Variants in BLOC1S5 observed in about 807,000 individuals in gnomAD.
The protein encoded by BLOC1S5 is biogenesis of lysosome-related organelles complex 1 subunit 5.
A neutral mutation model predicts 24.3 loss-of-function variants in BLOC1S5; 27 were observed. That is an observed-to-expected ratio of 1.11 (90% CI 0.82 to 1.53). The LOEUF (loss-of-function observed/expected upper bound fraction) is 1.53, where lower values mean the gene tolerates loss of function less well. Ranked by LOEUF, BLOC1S5 falls within the 40% of genes most tolerant of loss-of-function variation. The probability of loss-of-function intolerance (pLI) is 0.00; values close to 1 mark genes in which losing one functional copy is unlikely to be tolerated. For synonymous variants in BLOC1S5, 84 were observed against 74.5 expected (o/e 1.13, Z -0.66); for missense variants, 239 against 229.4 (o/e 1.04, Z -0.27).
At chr6:8,050,462 A>G (rs1232740031) in intron 2 of BLOC1S5, among the ~76,000 whole-genome samples, 1 of 152,094 alleles carries the variant, frequency 6.6e-6, no homozygotes, top group Non-Finnish European at 1.5e-5. Flanking sequence ...TCAAGTAAAT[A>G]AAGAGTCATA....
intron 4 of BLOC1S5, among the ~76,000 whole-genome samples, chr6:8,021,568 C>CA (rs1216565700): frequency 6.6e-6 from 1 of 152,040 alleles, no homozygotes; most frequent in Non-Finnish European, 1.5e-5. Flanking sequence ...CACTGCACTC[C>CA]ACCCTGGGTG....
chr6:8,042,265 T>C (rs192483732), intron 2 of BLOC1S5, among the ~76,000 whole-genome samples: 1,655 of 152,324 alleles, frequency 0.011, 35 homozygotes, highest in African/African-American at 0.038. Flanking sequence ...TCATATAGCT[T>C]CTGTTATTAT....
At chr6:8,057,571 C>T (rs975349746) in intron 2 of BLOC1S5, among the ~76,000 whole-genome samples, 4 of 152,154 alleles carry the variant, frequency 2.6e-5, no homozygotes, top group African/African-American at 7.2e-5. Context: ...TAAAACCATA[C>T]GGTGTCTACA....
intron 4 of BLOC1S5, among the ~76,000 whole-genome samples, chr6:8,022,024 T>C (rs1762931386): frequency 6.6e-6 from 1 of 152,068 alleles, no homozygotes; most frequent in Admixed American, 6.6e-5. Context: ...AAAGATAATT[T>C]GAAATAGAGA....
chr6:8,041,184 A>C lies in BLOC1S5; in HGVS notation c.280T>G (p.Cys94Gly). ...HETNEHTLPK[C>G]RDTMRDSLSQ... ...AGGCTGTCCCGCATTGTGTCTCTAC[A>C]TTTGGGAAGAGTATGTTCATTTGTT... The change falls in exon 3 of 5, where the codon TGT (cysteine) becomes GGT (glycine). Residue 94 changes from cysteine to glycine, a missense_variant. Transcript: ENST00000397457. 6.2e-7 allele frequency: 1 copy of C among 1,612,640 alleles called. No homozygotes were observed. Among genetic ancestry groups the C allele is most frequent in the Non-Finnish European group, 8.5e-7 (1 of 1,179,438 alleles).
At chr6:8,039,472 A>T (rs1763608095) in intron 3 of BLOC1S5, among the ~76,000 whole-genome samples, 1 of 152,178 alleles carries the variant, frequency 6.6e-6, no homozygotes, top group Non-Finnish European at 1.5e-5. Context: ...AGAAAGGACA[A>T]ATATTTAAGG....
At chr6:8,040,959 G>A (rs996768018) in intron 3 of BLOC1S5, among the ~76,000 whole-genome samples, 180 bp downstream of exon 3, 1 of 152,050 alleles carries the variant, frequency 6.6e-6, no homozygotes, top group Non-Finnish European at 1.5e-5. Flanking sequence ...TCTCACTTTG[G>A]AGATTAATGC....
chr6:8,031,041 T>A (rs979351936), intron 3 of BLOC1S5, among the ~76,000 whole-genome samples: 1 of 152,074 alleles, frequency 6.6e-6, no homozygotes, highest in Non-Finnish European at 1.5e-5. Context: ...TGGGAAAACT[T>A]GAAAGCACTC....
At chr6:8,022,568 A>ATTTTTTTTTTTCTTTTTTTTTTTT (rs35289860) in intron 4 of BLOC1S5, among the ~76,000 whole-genome samples, 1 of 123,974 alleles carries the variant, frequency 8.1e-6, no homozygotes, top group Non-Finnish European at 1.6e-5. Flanking sequence ...TTCAAACTCT[A>ATTTTTTTTTTTCTTTTTTTTTTTT]TTTTTTTTTT....
intron 2 of BLOC1S5, among the ~76,000 whole-genome samples, chr6:8,060,587 G>A (rs1250143440): frequency 6.6e-6 from 1 of 152,172 alleles, no homozygotes; most frequent in African/African-American, 2.4e-5. Flanking sequence ...ACGGTGAGCT[G>A]GGTTGGGATA....
intron 4 of BLOC1S5, among the ~76,000 whole-genome samples, chr6:8,022,041 G>T (rs1032311036): frequency 5.3e-5 from 8 of 152,076 alleles, no homozygotes; most frequent in African/African-American, 1.9e-4. Context: ...GAGATAATTT[G>T]AAATAGAAAC....
At chr6:8,026,479 C>A (rs1454462748) in intron 3 of BLOC1S5, 54 bp from the exon 4 acceptor site, 1 of 1,410,220 alleles carries the variant, frequency 7.1e-7, no homozygotes, top group Admixed American at 1.7e-5. Flanking sequence ...CAAGGAAACA[C>A]ATACCTGGGG....
chr6:8,023,808 G>A (rs930991846), intron 4 of BLOC1S5, among the ~76,000 whole-genome samples: 1 of 151,986 alleles, frequency 6.6e-6, no homozygotes, highest in East Asian at 1.9e-4. Flanking sequence ...TATGACATAC[G>A]TGTGTGTGCG....
chr6:8,049,004 C>T (rs796807397), intron 2 of BLOC1S5, among the ~76,000 whole-genome samples: 18 of 118,384 alleles, frequency 1.5e-4, no homozygotes, highest in African/African-American at 2.5e-4. Flanking sequence ...AAAGAGACTC[C>T]GCCTCAAAAG....
At chr6:8,020,191 T>C (rs1450328240) in intron 4 of BLOC1S5, among the ~76,000 whole-genome samples, 1 of 152,158 alleles carries the variant, frequency 6.6e-6, no homozygotes, top group African/African-American at 2.4e-5. Flanking sequence ...ATCAAAGTCA[T>C]GGTGACAGAA....
intron 4 of BLOC1S5, among the ~76,000 whole-genome samples, chr6:8,024,245 G>A (rs1763030795): frequency 6.6e-6 from 1 of 151,696 alleles, no homozygotes; most frequent in African/African-American, 2.4e-5. Flanking sequence ...TGTCCTTCAG[G>A]CCAGACACAG....
In BLOC1S5 at chr6:8,015,830, T is replaced by G. The variant is rs867254807; in HGVS notation, c.385-2A>C. 6.3e-7 allele frequency: 1 copy of G among 1,591,152 alleles called. No homozygotes were observed. On this transcript the variant is annotated splice_acceptor_variant, in intron 4 of 4. Transcript: ENST00000397457. LOFTEE classifies it high-confidence loss of function. ...AGCTACTAAGTGGTCACTATGAATCTGAGAAAAGAAAATTAGAAAGTCACA... is the reference window on the plus strand; with the variant it reads ...AGCTACTAAGTGGTCACTATGAATCGGAGAAAAGAAAATTAGAAAGTCACA...
chr6:8,041,321 T>C, intron 2 of BLOC1S5, 53 bp from the exon 3 acceptor site: 1 of 1,502,172 alleles, frequency 6.7e-7, no homozygotes, highest in Non-Finnish European at 8.9e-7. Flanking sequence ...CCTTTTTTTT[T>C]TTTTTTTTTG....
chr6:8,044,164 A>G (rs558305063), intron 2 of BLOC1S5, among the ~76,000 whole-genome samples: 1 of 151,648 alleles, frequency 6.6e-6, no homozygotes, highest in East Asian at 2.0e-4. Flanking sequence ...CATGCCTGTA[A>G]TCCTAGCTAC....
Sources: allele counts gnomAD v4.1 joint callset (sites outside exome capture counted in the v4.1 genomes callset), GRCh38; gene constraint gnomAD v4.1.1; transcripts MANE v1.5; gene names NCBI Gene and HGNC (gene_info 2026-07-23, HGNC 2026-07-21).